Variants in CDH18 observed in about 807,000 individuals in gnomAD.
CDH18 encodes cadherin-18.
Under a neutral mutation model 67.9 loss-of-function variants are expected in CDH18, and 31 were observed. The ratio of observed to expected loss-of-function variants is 0.46; its 90% CI spans 0.34 to 0.62. The LOEUF is 0.62. Among genes scored for constraint, CDH18 ranks in the 20% least tolerant of loss-of-function variants. The pLI, the probability that CDH18 is intolerant of heterozygous loss-of-function variation, is 0.01. For missense variants in CDH18, 890 were observed against 975.5 expected, an observed-to-expected ratio of 0.91 and a Z score of 1.17; for synonymous variants, 362 against 347.2, an observed-to-expected ratio of 1.04 and a Z score of -0.48.
intron 1 of CDH18, among the ~76,000 whole-genome samples, chr5:19,985,754 A>C (rs1799502232): frequency 6.6e-6 from 1 of 152,162 alleles, no homozygotes; most frequent in Non-Finnish European, 1.5e-5. Context: ...AAAAAAAGAA[A>C]GACAAAGAAC....
At chr5:20,437,744 GA>G (rs1435335526) in intron 1 of CDH18, among the ~76,000 whole-genome samples, 1 of 151,172 alleles carries the variant, frequency 6.6e-6, no homozygotes, top group East Asian at 1.9e-4. Context: ...TTAAAACAAA[GA>G]TAAGTTTTAT....
intron 2 of CDH18, among the ~76,000 whole-genome samples, chr5:20,068,146 A>G (rs1743146175): frequency 6.6e-6 from 1 of 152,168 alleles, no homozygotes; most frequent in African/African-American, 2.4e-5. Context: ...AAATGAGAAA[A>G]GCTGCCATGA....
At position 20,179,299 on chromosome 5, in the gene CDH18, T is replaced by C. The variant is rs141550618; in HGVS notation, c.-518+76145A>G. The stretch of plus-strand genomic sequence containing the variant: ...ACTTTAACATAGTTGAGAACACAGA[T>C]TGAGAGATTAAAGAACTTCTTCAAA... On this transcript the variant is annotated intron_variant, in intron 2 of 14. Transcript: ENST00000507958. Among the ~76,000 whole-genome samples the C allele has an allele frequency of 6.5e-4, 99 of 152,170 alleles. No individual in the cohort carries two copies. In the South Asian group the frequency reaches 0.016, roughly 25 times the overall value.
At chr5:20,243,591 T>C (rs752283596) in intron 2 of CDH18, among the ~76,000 whole-genome samples, 2 of 152,056 alleles carry the variant, frequency 1.3e-5, no homozygotes, top group Non-Finnish European at 2.9e-5. Context: ...GAAATAGAAA[T>C]ATCTTTGTCT....
intron 2 of CDH18, among the ~76,000 whole-genome samples, chr5:20,191,385 AT>A (rs1738526842): frequency 6.6e-6 from 1 of 151,738 alleles, no homozygotes. Flanking sequence ...TATTTCTGTC[AT>A]TTTTTCCTCC....
intron 1 of CDH18, among the ~76,000 whole-genome samples, chr5:20,571,176 C>T (rs1020770498): frequency 5.3e-5 from 8 of 152,098 alleles, no homozygotes; most frequent in Non-Finnish European, 1.0e-4. Flanking sequence ...ATGACAGTGA[C>T]ACCTCTACGT....
chr5:20,567,766 C>T (rs1291344595), intron 1 of CDH18, among the ~76,000 whole-genome samples: 2 of 152,088 alleles, frequency 1.3e-5, no homozygotes, highest in Non-Finnish European at 2.9e-5. Flanking sequence ...GAAGAGAGGA[C>T]AGACTGGAAC....
At chr5:20,550,165 A>G (rs577303250) in intron 1 of CDH18, among the ~76,000 whole-genome samples, 1 of 152,322 alleles carries the variant, frequency 6.6e-6, no homozygotes, top group African/African-American at 2.4e-5. Context: ...GTTTAAAAGG[A>G]TCTGGCTATT....
At position 20,470,697 on chromosome 5, in the gene CDH18, A is replaced by G. The variant is rs139996223; in HGVS notation, c.-580+104765T>C. 2.2e-3 allele frequency among the ~76,000 whole-genome samples: 338 copies of G among 152,260 alleles called. 2 individuals are homozygous for G. The highest frequency in any genetic ancestry group is 8.0e-3 in the African/African-American group (332 of 41,550). ...AGGGCTTCCGTCTCTATGCAATAGC[A>G]TTGTGGAAGGAAAAGTCTCTCCTCC... On this transcript the variant is annotated intron_variant, in intron 1 of 14. Coordinates refer to the CDH18 transcript ENST00000507958.
At chr5:19,885,850 A>C (rs1788136623) in intron 2 of CDH18, among the ~76,000 whole-genome samples, 1 of 152,230 alleles carries the variant, frequency 6.6e-6, no homozygotes, top group Non-Finnish European at 1.5e-5. Context: ...TTAGAAAATT[A>C]AAAGGAATGT....
In CDH18 at chr5:19,887,157, GT is replaced by G. The variant is rs75076094; in HGVS notation, c.-256-47916del. 4.1e-3 allele frequency among the ~76,000 whole-genome samples: 559 copies of G among 136,634 alleles called. 4 individuals carry two copies. Among genetic ancestry groups the G allele is most frequent in the African/African-American group, 0.012 (435 of 37,620 alleles). 89.6% of individuals were successfully genotyped at this position (136,634 alleles called of 152,430 possible). A position where few individuals can be genotyped will look rare whatever the true frequency, so the allele number is the denominator to read the frequency against. ...CTAAAAATTTGTTTTTTTGTTTTTT[GT>G]TTTTTTTTTTTGCTACCCTTGGCCA... On this transcript the variant is annotated intron_variant, in intron 2 of 12. Transcript: ENST00000382275.
intron 1 of CDH18, among the ~76,000 whole-genome samples, chr5:20,355,013 T>G (rs2150063028): frequency 6.6e-6 from 1 of 152,340 alleles, no homozygotes; most frequent in Middle Eastern, 3.4e-3. Context: ...AAAGGGTACC[T>G]GCCTGATCAC....
intron 1 of CDH18, among the ~76,000 whole-genome samples, chr5:20,517,569 GT>G (rs1328413050): frequency 6.6e-6 from 1 of 151,772 alleles, no homozygotes; most frequent in African/African-American, 2.4e-5. Context: ...ATAAATGATG[GT>G]TCCCTTTCAT....
chr5:20,139,126 C>A (rs981405018), intron 2 of CDH18, among the ~76,000 whole-genome samples: 1 of 151,982 alleles, frequency 6.6e-6, no homozygotes, highest in Admixed American at 6.6e-5. Flanking sequence ...AGATATAGAC[C>A]AATGGAACAG....
At chr5:19,965,795 TGTGAG>T (rs1797372563) in intron 2 of CDH18, among the ~76,000 whole-genome samples, 1 of 151,418 alleles carries the variant, frequency 6.6e-6, no homozygotes, top group African/African-American at 2.4e-5. Context: ...AAGAGACAGG[TGTGAG>T]GTTCTTGTGG....
At chr5:20,380,614 G>C (rs1743833302) in intron 1 of CDH18, among the ~76,000 whole-genome samples, 1 of 152,070 alleles carries the variant, frequency 6.6e-6, no homozygotes, top group African/African-American at 2.4e-5. Flanking sequence ...ACAACAGATA[G>C]GTATTAGTTA....
chr5:20,382,456 C>T (rs1743986976), intron 1 of CDH18, among the ~76,000 whole-genome samples: 1 of 152,016 alleles, frequency 6.6e-6, no homozygotes, highest in South Asian at 2.1e-4. Context: ...TCATGGAAGA[C>T]ATTGGCTTTC....
At chr5:19,491,023 T>C (rs1741384123) in intron 11 of CDH18, among the ~76,000 whole-genome samples, 1 of 152,182 alleles carries the variant, frequency 6.6e-6, no homozygotes, top group African/African-American at 2.4e-5. Flanking sequence ...ATCTTTTACA[T>C]TTTAGGGTCA....
At chr5:20,475,178 G>C (rs1752352106) in intron 1 of CDH18, among the ~76,000 whole-genome samples, 1 of 151,892 alleles carries the variant, frequency 6.6e-6, no homozygotes, top group African/African-American at 2.4e-5. Context: ...TTTTATATAA[G>C]ATAATAAAAA....
Sources: allele counts gnomAD v4.1 joint callset (sites outside exome capture counted in the v4.1 genomes callset), GRCh38; gene constraint gnomAD v4.1.1; transcripts MANE v1.5; gene names NCBI Gene and HGNC (gene_info 2026-07-23, HGNC 2026-07-21).